The following MMP28 variants were observed in gnomAD, a reference collection of about 807,000 sequenced individuals.
MMP28 encodes the protein matrix metallopeptidase 28.
MMP28 carries 55 observed loss-of-function variants against 60.5 expected under a neutral mutation model. That is an observed-to-expected ratio of 0.91 (90% CI 0.73 to 1.14). MMP28 has a LOEUF of 1.14. MMP28 is among the 50% of genes most tolerant of loss of function. The pLI is 0.00. For missense variants in MMP28, 686 were observed against 738.3 expected (o/e 0.93, Z 0.82); for synonymous variants, 318 against 312.5 (o/e 1.02, Z -0.18).
chr17:35,774,984 C>T (rs1235464836), intron 3 of MMP28, among the ~76,000 whole-genome samples: 1 of 152,180 alleles, frequency 6.6e-6, no homozygotes, highest in Non-Finnish European at 1.5e-5. Flanking sequence ...AATCCATTAG[C>T]ATAGTGTGAG....
At chr17:35,763,828 C>A (rs1196157742), downstream of MMP28, 4 of 400,912 alleles carry the variant, frequency 1.0e-5, no homozygotes, top group Non-Finnish European at 1.6e-5. Context: ...GCCCGTGAGG[C>A]GGAGGTTGCA....
chr17:35,792,204 C>T (rs571246515), intron 1 of MMP28, among the ~76,000 whole-genome samples: 2 of 152,204 alleles, frequency 1.3e-5, no homozygotes, highest in South Asian at 2.1e-4. Context: ...GTCTATGTTC[C>T]CTCCCCTTGA....
intron 1 of MMP28, among the ~76,000 whole-genome samples, chr17:35,787,899 C>CTTTTTTT (rs532350874): frequency 1.1e-3 from 110 of 104,376 alleles, no homozygotes; most frequent in Non-Finnish European, 1.4e-3. Context: ...TTTTCTTTCC[C>CTTTTTTT]TTTTTTTTTT....
intron 1 of MMP28, among the ~76,000 whole-genome samples, chr17:35,789,405 G>T (rs1224881948): frequency 6.6e-6 from 1 of 152,144 alleles, no homozygotes; most frequent in Admixed American, 6.5e-5. Flanking sequence ...TCACACAGTT[G>T]TTTTTTATTA....
At chr17:35,773,051 G>A in intron 4 of MMP28, 129 bp downstream of exon 4, 1 of 745,770 alleles carries the variant, frequency 1.3e-6, no homozygotes, top group Non-Finnish European at 2.2e-6. Flanking sequence ...GGAGACTGAG[G>A]GTTCTCTGCA....
chr17:35,766,835 G>C lies in MMP28; in HGVS notation c.1228C>G (p.Arg410Gly), dbSNP rs756397870. ...GGATGGCGGGGCAGGCCCCCTGCCC[G>C]GCACAGCTGTGGGAGACCCCACACT... ...KPVWGLPQLC[R>G]AGGLPRHPDA... is the part of the protein sequence containing the mutation. The change falls in exon 8 of 8, where the codon CGG (arginine) becomes GGG (glycine). Residue 410 changes from arginine (R) to glycine (G), a missense_variant. Coordinates refer to ENST00000605424, the MANE Select transcript of MMP28 (RefSeq NM_024302.5). This position sits in a 1 kb window ranked among gnomAD's most constrained non-coding sequence, Gnocchi z 4.3. 6.3e-7 allele frequency: 1 copy of C among 1,576,984 alleles called. No homozygotes were observed.
chr17:35,761,794 C>T (rs1299741493), downstream of MMP28, among the ~76,000 whole-genome samples: 1 of 152,170 alleles, frequency 6.6e-6, no homozygotes, highest in East Asian at 1.9e-4. Flanking sequence ...CATAGCGCAG[C>T]ACTCAATGTC....
intron 1 of MMP28, among the ~76,000 whole-genome samples, chr17:35,780,851 A>G (rs2086478090): frequency 6.6e-6 from 1 of 152,140 alleles, no homozygotes; most frequent in Admixed American, 6.5e-5. Flanking sequence ...AAAAAAAAAA[A>G]AAAGTAAATA....
In MMP28 at chr17:35,768,217, G is replaced by A. The variant is rs373892017; in HGVS notation, c.1000+13C>T. 18 of 1,591,834 alleles carry A rather than the reference G, an allele frequency of 1.1e-5. No individual in the cohort carries two copies. The African/African-American group carries it at 2.3e-4, about 20-fold the overall frequency. ...GGAGAGAAAGAAGCAAAGCACCAGT[G>A]GGACCTTCTTACCTACAGTGATGGC... On this transcript the variant is annotated intron_variant, in intron 6 of 7. Coordinates refer to ENST00000605424, the MANE Select transcript of MMP28 (RefSeq NM_024302.5).
intron 4 of MMP28, among the ~76,000 whole-genome samples, chr17:35,772,140 A>G (rs2086176297): frequency 6.6e-6 from 1 of 152,098 alleles, no homozygotes; most frequent in South Asian, 2.1e-4. Context: ...CCTATTTTGA[A>G]TATGTCTCCA....
rs575663252 is a variant in MMP28 at position 35,772,086 on chromosome 17, TC to T, written c.604+1093del. Reference sequence around the variant, plus strand: ...GGGGTGCTAGACTAAAAGGAGATCCTCCTGGGGGCATGGAAAGTCAGCCGCA... The same window carrying T: ...GGGGTGCTAGACTAAAAGGAGATCCTCTGGGGGCATGGAAAGTCAGCCGCA... On this transcript the variant is annotated intron_variant, in intron 4 of 7. Transcript: ENST00000605424. Among the ~76,000 whole-genome samples, 776 of 152,176 alleles carry T rather than the reference TC, an allele frequency of 5.1e-3. 7 individuals are homozygous for T. Among genetic ancestry groups the T allele is most frequent in the Middle Eastern group, 0.014 (4 of 294 alleles).
chr17:35,767,004 G>C (rs1555603756), intron 7 of MMP28, 110 bp from the exon 8 acceptor site: 3 of 1,035,000 alleles, frequency 2.9e-6, no homozygotes, highest in Non-Finnish European at 4.4e-6. Context: ...AGCCCACGAT[G>C]GTTGGTATTC....
intron 1 of MMP28, among the ~76,000 whole-genome samples, chr17:35,791,132 C>T (rs2086803743): frequency 6.6e-6 from 1 of 151,668 alleles, no homozygotes; most frequent in South Asian, 2.1e-4. Context: ...TAAAGTCCAA[C>T]TTATGGCCAT....
rs914177266 is a variant in MMP28, at chr17:35,766,404, G to A, written c.*96C>T. 4.0e-5 allele frequency: 58 copies of A among 1,432,868 alleles called. No individual in the cohort carries two copies. Among genetic ancestry groups the A allele is most frequent in the South Asian group, 3.8e-4 (26 of 67,786 alleles). The allele number at this position is 1,432,868 out of a possible 1,614,324, so 88.8% of individuals were successfully genotyped here. Reference sequence around the variant, plus strand: ...GCTTTGCTGCCCGGTCTTCTGCAGAGGGACTCAGAGGCTTCTAAGAGGGGT... The same window carrying A: ...GCTTTGCTGCCCGGTCTTCTGCAGAAGGACTCAGAGGCTTCTAAGAGGGGT... On this transcript the variant is annotated 3_prime_UTR_variant, in exon 8 of 8. Transcript: ENST00000605424. The surrounding 1 kb of genome is among the most constrained non-coding windows in gnomAD (Gnocchi z 4.3).
chr17:35,793,138 T>G (rs2086862476), intron 1 of MMP28, among the ~76,000 whole-genome samples: 1 of 151,950 alleles, frequency 6.6e-6, no homozygotes, highest in African/African-American at 2.4e-5. Context: ...ATTTCCAGAG[T>G]TTTTATGCTT....
In MMP28 at chr17:35,770,330, G is replaced by A; in HGVS notation, c.605-18C>T. ...GGCGCCCCCTGCAGGTGGGGCAGAA[G>A]GTCAGGGGGTGCCACGGCCCACGAC... On this transcript the variant is annotated intron_variant, in intron 4 of 7. Coordinates refer to ENST00000605424, the MANE Select transcript of MMP28 (RefSeq NM_024302.5). The A allele has an allele frequency of 6.7e-7, 1 of 1,482,504 alleles. No homozygotes were observed. The highest frequency in any genetic ancestry group is 1.4e-5 in the South Asian group (1 of 73,240). The allele number at this position is 1,482,504 out of a possible 1,614,324, so 91.8% of individuals were successfully genotyped here.
chr17:35,790,804 A>G (rs1412468534), intron 1 of MMP28, among the ~76,000 whole-genome samples: 1 of 152,082 alleles, frequency 6.6e-6, no homozygotes, highest in Non-Finnish European at 1.5e-5. Context: ...CCTGGCCAAC[A>G]TAGTGAAACC....
chr17:35,761,492 C>T (rs1442096027), downstream of MMP28, among the ~76,000 whole-genome samples: 1 of 151,900 alleles, frequency 6.6e-6, no homozygotes, highest in Non-Finnish European at 1.5e-5. Flanking sequence ...CAGCTCACTG[C>T]AGTCTCAACC....
At chr17:35,792,002 T>G (rs2086827649) in intron 1 of MMP28, among the ~76,000 whole-genome samples, 1 of 152,090 alleles carries the variant, frequency 6.6e-6, no homozygotes, top group South Asian at 2.1e-4. Context: ...AGGACTGCTG[T>G]GTTCTGCTTG....
Sources: gnomAD v4.1 joint callset for allele counts (sites outside exome capture counted in the v4.1 genomes callset) on GRCh38, gnomAD v4.1.1 for gene constraint, Gnocchi (gnomAD v3.1) non-coding constraint, MANE v1.5 for transcripts, NCBI Gene and HGNC (gene_info 2026-07-23, HGNC 2026-07-21) for gene names.